PRKN: variants seen among roughly 807,000 people sequenced by gnomAD.
PRKN encodes the protein parkin RBR E3 ubiquitin protein ligase, also known as E3 ubiquitin-protein ligase parkin.
Under a neutral mutation model 59.5 loss-of-function variants are expected in PRKN, and 56 were observed. The observed-to-expected ratio is 0.94, with a 90% CI of 0.76 to 1.18. PRKN has a LOEUF of 1.18. PRKN is among the 50% of genes most tolerant of loss of function. PRKN has a pLI of 0.00. For missense variants in PRKN, 657 were observed against 596.4 expected (o/e 1.10, Z -1.06); for synonymous variants, 250 against 222.1 (o/e 1.13, Z -1.12).
chr6:162,630,711 G>A (rs369608981), intron 1 of PRKN, among the ~76,000 whole-genome samples: 4 of 152,120 alleles, frequency 2.6e-5, no homozygotes, highest in Admixed American at 1.3e-4. Flanking sequence ...ACCATTTTAA[G>A]AGGCCATTTT....
chr6:162,724,866 G>C (rs1258211456), intron 1 of PRKN, among the ~76,000 whole-genome samples: 1 of 152,186 alleles, frequency 6.6e-6, no homozygotes, highest in East Asian at 1.9e-4. Context: ...GCCTGAGTAG[G>C]CCTGAACTAC....
intron 9 of PRKN, among the ~76,000 whole-genome samples, chr6:161,532,835 C>T (rs1162337283): frequency 6.6e-6 from 1 of 152,140 alleles, no homozygotes; most frequent in Non-Finnish European, 1.5e-5. Flanking sequence ...ATACCTGCCA[C>T]CACTTCTCAA....
At chr6:161,949,779 C>T (rs1182382999) in intron 6 of PRKN, among the ~76,000 whole-genome samples, 1 of 152,208 alleles carries the variant, frequency 6.6e-6, no homozygotes, top group Non-Finnish European at 1.5e-5. Context: ...TACCACAAGA[C>T]AGCCTGCTGC....
chr6:162,321,857 A>G (rs1159740001), intron 2 of PRKN, among the ~76,000 whole-genome samples: 1 of 152,004 alleles, frequency 6.6e-6, no homozygotes, highest in Non-Finnish European at 1.5e-5. Flanking sequence ...AACTTTCTCA[A>G]CCTGATAAAG....
At chr6:161,905,648 T>TTA (rs1562380818) in intron 6 of PRKN, among the ~76,000 whole-genome samples, 2 of 152,028 alleles carry the variant, frequency 1.3e-5, no homozygotes, top group South Asian at 2.1e-4. Context: ...TGGGTTTTAT[T>TTA]TATATATATA....
At chr6:162,502,790 A>T (rs1216258581) in intron 1 of PRKN, among the ~76,000 whole-genome samples, 1 of 152,118 alleles carries the variant, frequency 6.6e-6, no homozygotes, top group Non-Finnish European at 1.5e-5. Flanking sequence ...TCACAAATAC[A>T]TAAGATACTC....
chr6:161,806,641 C>A (rs1562698504), intron 6 of PRKN, among the ~76,000 whole-genome samples: 1 of 152,162 alleles, frequency 6.6e-6, no homozygotes, highest in African/African-American at 2.4e-5. Context: ...CTCCACCCAG[C>A]TCTTATTCTG....
At chr6:162,293,943 G>T (rs1781549442) in intron 2 of PRKN, among the ~76,000 whole-genome samples, 2 of 152,268 alleles carry the variant, frequency 1.3e-5, no homozygotes, top group Middle Eastern at 3.4e-3. Context: ...CTCCGAAAGT[G>T]CTGGGATTAC....
At chr6:162,298,392 G>T (rs1256250755) in intron 2 of PRKN, among the ~76,000 whole-genome samples, 2 of 152,044 alleles carry the variant, frequency 1.3e-5, no homozygotes, top group African/African-American at 4.8e-5. Context: ...TTCGCACCAT[G>T]AATAGTTCAG....
intron 2 of PRKN, among the ~76,000 whole-genome samples, chr6:162,296,933 A>C (rs1373607482): frequency 6.6e-6 from 1 of 152,090 alleles, no homozygotes; most frequent in Non-Finnish European, 1.5e-5. Context: ...TAAAATCTGA[A>C]AAATAAAGTA....
chr6:162,571,085 A>T (rs7763226), intron 1 of PRKN: 46,558 of 151,964 alleles, frequency 0.31, 7,564 homozygotes, highest in East Asian at 0.49. Context: ...GTACTTTAGG[A>T]GGCTGAGGCA....
rs1779358116 is a variant in PRKN, at chr6:162,727,697, C to T, written c.-29G>A. ...CACTGGGTAGGTGGCGGCTGCGGGC[C>T]AGGAACAGGCCCATGCGCGCAGCGG... On this transcript the variant is annotated 5_prime_UTR_variant, in exon 1 of 12. Transcript: ENST00000366898. The T allele has an allele frequency of 5.7e-6, 9 of 1,566,432 alleles. No homozygotes were observed. The highest frequency in any genetic ancestry group is 7.8e-6 in the Non-Finnish European group (9 of 1,156,730).
In PRKN at chr6:161,460,879, A is replaced by T. The variant is rs1400399412; in HGVS notation, c.1084-74002T>A. Among the ~76,000 whole-genome samples, 1 of 151,072 alleles carries T rather than the reference A, an allele frequency of 6.6e-6. No homozygotes were observed. Among genetic ancestry groups the T allele is most frequent in the East Asian group, 1.9e-4 (1 of 5,160 alleles). On this transcript the variant is annotated intron_variant, in intron 9 of 11. Coordinates refer to ENST00000366898, the MANE Select transcript of PRKN (RefSeq NM_004562.3). This position sits in a 1 kb window ranked among gnomAD's most constrained non-coding sequence, Gnocchi z 5.0. ...ATTCTCCTGCCTCGGCCTCCCAAGTAGCTGGGACTACAGGTACGCACCACC... is the reference window on the plus strand; with the variant it reads ...ATTCTCCTGCCTCGGCCTCCCAAGTTGCTGGGACTACAGGTACGCACCACC...
At chr6:162,424,438 C>T (rs1042575906) in intron 2 of PRKN, among the ~76,000 whole-genome samples, 8 of 152,050 alleles carry the variant, frequency 5.3e-5, no homozygotes, top group African/African-American at 7.2e-5. Context: ...TTGTAAGAAA[C>T]GTACCACTGG....
chr6:162,441,652 A>G (rs954712561), intron 2 of PRKN, among the ~76,000 whole-genome samples: 9 of 152,216 alleles, frequency 5.9e-5, no homozygotes, highest in Non-Finnish European at 1.0e-4. Flanking sequence ...GCTCATAAAT[A>G]AAGAGCAGTC....
chr6:162,547,130 G>C (rs1779152815), intron 1 of PRKN, among the ~76,000 whole-genome samples: 1 of 152,098 alleles, frequency 6.6e-6, no homozygotes, highest in Non-Finnish European at 1.5e-5. Flanking sequence ...ATCCAGTCAG[G>C]AACTTTCTGG....
rs768568929 is a variant in PRKN at position 161,582,971 on chromosome 6, A to AACACACACACACAC, written c.872-13569_872-13556dup. On this transcript the variant is annotated intron_variant, in intron 7 of 11. Coordinates refer to ENST00000366898, the MANE Select transcript of PRKN (RefSeq NM_004562.3). The surrounding 1 kb of genome is among the most constrained non-coding windows in gnomAD (Gnocchi z 4.4). ...TCTTTCCAGTGAGATGGCCTATTCC[A>AACACACACACACAC]ACACACACACACACACACACACACA... Among the ~76,000 whole-genome samples the AACACACACACACAC allele has an allele frequency of 2.6e-5, 3 of 117,158 alleles. No individual in the cohort carries two copies. The highest frequency in any genetic ancestry group is 3.7e-5 in the Non-Finnish European group (2 of 54,674). 76.9% of individuals were successfully genotyped at this position (117,158 alleles called of 152,430 possible). A position where few individuals can be genotyped will look rare whatever the true frequency, so the allele number is the denominator to read the frequency against.
intron 3 of PRKN, among the ~76,000 whole-genome samples, chr6:162,240,973 T>G (rs1778963413): frequency 6.6e-6 from 1 of 152,196 alleles, no homozygotes; most frequent in Non-Finnish European, 1.5e-5. Flanking sequence ...CTGCCCTGCC[T>G]CCATCTCTCC....
chr6:162,492,018 G>A (rs931354598), intron 1 of PRKN, among the ~76,000 whole-genome samples: 2 of 152,146 alleles, frequency 1.3e-5, no homozygotes, highest in Non-Finnish European at 2.9e-5. Context: ...TGTGGCAGAC[G>A]TGTCTCGGGT....
Sources: gnomAD v4.1 joint callset for allele counts (sites outside exome capture counted in the v4.1 genomes callset) on GRCh38, gnomAD v4.1.1 for gene constraint, Gnocchi (gnomAD v3.1) non-coding constraint, MANE v1.5 for transcripts, NCBI Gene and HGNC (gene_info 2026-07-23, HGNC 2026-07-21) for gene names.